The following GCSAML variants were observed in gnomAD, a reference collection of about 807,000 sequenced individuals.
The protein encoded by GCSAML is germinal center associated signaling and motility like, also known as germinal center-associated signaling and motility-like protein.
A neutral mutation model predicts 13.0 loss-of-function variants in GCSAML; 9 were observed. The ratio of observed to expected loss-of-function variants is 0.69; its 90% CI spans 0.42 to 1.21. The LOEUF (loss-of-function observed/expected upper bound fraction) is 1.21, where lower values mean the gene tolerates loss of function less well. Among genes scored for constraint, GCSAML ranks in the 50% most tolerant of loss-of-function variants. The pLI, the probability that GCSAML is intolerant of heterozygous loss-of-function variation, is 0.00. For synonymous variants in GCSAML, 37 were observed against 52.9 expected, an observed-to-expected ratio of 0.70 and a Z score of 1.31; for missense variants, 143 against 153.4, an observed-to-expected ratio of 0.93 and a Z score of 0.36.
chr1:247,563,058 C>T (rs925339860), intron 2 of GCSAML, among the ~76,000 whole-genome samples: 3 of 150,760 alleles, frequency 2.0e-5, no homozygotes, highest in African/African-American at 4.9e-5. Flanking sequence ...CCGTGTTGGC[C>T]AGGAAGGTCT....
intron 1 of GCSAML, among the ~76,000 whole-genome samples, chr1:247,519,021 C>T (rs187908802): frequency 6.6e-6 from 1 of 152,232 alleles, no homozygotes; most frequent in Admixed American, 6.5e-5. Flanking sequence ...GATTGTGCCA[C>T]TGCACTCCAG....
chr1:247,519,011 G>A (rs1254432387), intron 1 of GCSAML, among the ~76,000 whole-genome samples: 1 of 151,878 alleles, frequency 6.6e-6, no homozygotes, highest in East Asian at 1.9e-4. Context: ...AAAGCGCCGA[G>A]ATTGTGCCAC....
chr1:247,515,556 T>A (rs1046332739), intron 1 of GCSAML, among the ~76,000 whole-genome samples: 6 of 152,132 alleles, frequency 3.9e-5, no homozygotes, highest in African/African-American at 1.2e-4. Flanking sequence ...GACAGGGCAA[T>A]TTATGAAGAA....
intron 1 of GCSAML, among the ~76,000 whole-genome samples, chr1:247,554,597 A>T (rs1667893192): frequency 6.6e-6 from 1 of 152,120 alleles, no homozygotes; most frequent in Admixed American, 6.6e-5. Context: ...TCCTTCAAAT[A>T]GTCTTGTGTA....
chr1:247,534,028 A>G (rs6698827), intron 2 of GCSAML: 55,669 of 151,658 alleles, frequency 0.37, 10,538 homozygotes, highest in Middle Eastern at 0.46. Flanking sequence ...CCCCTTCCTC[A>G]CCTTCTTCAG....
At chr1:247,511,867 G>C (rs113380606) in intron 1 of GCSAML, among the ~76,000 whole-genome samples, 1,780 of 152,314 alleles carry the variant, frequency 0.012, 22 homozygotes, top group African/African-American at 0.04. Context: ...GGTTTCTGCA[G>C]AGAGGTCCGC....
intron 1 of GCSAML, among the ~76,000 whole-genome samples, chr1:247,510,319 G>C (rs1665985395): frequency 1.3e-5 from 2 of 152,196 alleles, no homozygotes; most frequent in Non-Finnish European, 2.9e-5. Context: ...TCTGATGGTA[G>C]TTTGTGGGAT....
chr1:247,532,162 G>T (rs1246511094), intron 2 of GCSAML: 1 of 1,614,058 alleles, frequency 6.2e-7, no homozygotes, highest in African/African-American at 1.3e-5. Flanking sequence ...GGACATGGTG[G>T]CCAGCAGGAC....
chr1:247,538,996 T>C (rs1458789875), intron 2 of GCSAML, among the ~76,000 whole-genome samples: 1 of 152,226 alleles, frequency 6.6e-6, no homozygotes, highest in Non-Finnish European at 1.5e-5. Flanking sequence ...TCCATTTGCT[T>C]AGTCCAGAAG....
At chr1:247,535,960 G>A (rs1351447500) in intron 2 of GCSAML, among the ~76,000 whole-genome samples, 2 of 152,184 alleles carry the variant, frequency 1.3e-5, no homozygotes, top group Non-Finnish European at 2.9e-5. Context: ...AATTTTGTCT[G>A]AGTTAACTAG....
At chr1:247,572,619 T>A (rs559850466) in intron 4 of GCSAML, among the ~76,000 whole-genome samples, 3 of 152,318 alleles carry the variant, frequency 2.0e-5, no homozygotes, top group Admixed American at 2.0e-4. Flanking sequence ...GCTGGAGCTC[T>A]CTTGTATGAG....
intron 4 of GCSAML, among the ~76,000 whole-genome samples, chr1:247,571,537 T>G (rs1454028499): frequency 4.6e-5 from 7 of 152,246 alleles, no homozygotes; most frequent in African/African-American, 1.7e-4. Flanking sequence ...CCCCACTCTC[T>G]TCTGGCTTGT....
chr1:247,546,583 A>G (rs553753669), upstream of GCSAML, among the ~76,000 whole-genome samples: 76 of 151,788 alleles, frequency 5.0e-4, no homozygotes, highest in African/African-American at 1.5e-3. Flanking sequence ...GGATGGTCTC[A>G]ATTTCCTGAC....
At chr1:247,540,596 G>A (rs1667380873) in intron 2 of GCSAML, among the ~76,000 whole-genome samples, 1 of 152,212 alleles carries the variant, frequency 6.6e-6, no homozygotes. Flanking sequence ...CAGTTTCCGA[G>A]CATGGGCACG....
intron 1 of GCSAML, chr1:247,518,379 C>G (rs1455317843): frequency 6.6e-6 from 1 of 152,394 alleles, no homozygotes; most frequent in Non-Finnish European, 1.5e-5. Flanking sequence ...GCGACTTGGC[C>G]TCGGCCCCTC....
intron 1 of GCSAML, chr1:247,518,316 G>C: frequency 6.6e-6 from 1 of 152,480 alleles, no homozygotes; most frequent in East Asian, 1.9e-4. Flanking sequence ...GACGCCGGCA[G>C]GGTGGAACGC....
intron 1 of GCSAML, among the ~76,000 whole-genome samples, chr1:247,520,093 A>T (rs1558235253): frequency 6.6e-6 from 1 of 152,158 alleles, no homozygotes; most frequent in Non-Finnish European, 1.5e-5. Context: ...AATTTACACT[A>T]AAAAAAGGTG....
At chr1:247,559,226 A>G (rs1056267097) in intron 2 of GCSAML, among the ~76,000 whole-genome samples, 2 of 152,188 alleles carry the variant, frequency 1.3e-5, no homozygotes, top group Admixed American at 1.3e-4. Flanking sequence ...TTTGTCTGCT[A>G]GAGAAACATT....
chr1:247,560,296 G>A (rs934607231), intron 2 of GCSAML, among the ~76,000 whole-genome samples: 2 of 152,176 alleles, frequency 1.3e-5, no homozygotes, highest in Non-Finnish European at 2.9e-5. Flanking sequence ...AGTAATGTTT[G>A]CTTTATTTCT....
Sources: gnomAD v4.1 joint callset for allele counts (sites outside exome capture counted in the v4.1 genomes callset) on GRCh38, gnomAD v4.1.1 for gene constraint, MANE v1.5 for transcripts, NCBI Gene and HGNC (gene_info 2026-07-23, HGNC 2026-07-21) for gene names.